The following THRB variants were observed in gnomAD, a reference collection of about 807,000 sequenced individuals.
THRB encodes thyroid hormone receptor beta, also known as nuclear receptor subfamily 1 group A member 2.
Under a neutral mutation model 47.8 loss-of-function variants are expected in THRB, and 12 were observed. That is an observed-to-expected ratio of 0.25 (90% CI 0.16 to 0.41). The LOEUF (loss-of-function observed/expected upper bound fraction) is 0.41. Among genes scored for constraint, THRB ranks in the 10% least tolerant of loss-of-function variants. THRB has a pLI of 1.00. For missense variants in THRB, 348 were observed against 589.2 expected (o/e 0.59, Z 4.24); for synonymous variants, 218 against 212.2 (o/e 1.03, Z -0.24).
At chr3:24,253,163 CATAAT>C (rs1446692401) in intron 3 of THRB, among the ~76,000 whole-genome samples, 3 of 151,914 alleles carry the variant, frequency 2.0e-5, no homozygotes, top group Non-Finnish European at 2.9e-5. Flanking sequence ...AATGCAATAA[CATAAT>C]AGAGGCATAA....
chr3:24,145,206 C>T (rs1350069949), intron 7 of THRB, among the ~76,000 whole-genome samples: 1 of 151,920 alleles, frequency 6.6e-6, no homozygotes, highest in African/African-American at 2.4e-5. Flanking sequence ...ATCTTGAAAA[C>T]AACTCTACAA....
intron 1 of THRB, among the ~76,000 whole-genome samples, chr3:24,405,265 A>G (rs2067728424): frequency 6.6e-6 from 1 of 151,964 alleles, no homozygotes; most frequent in Admixed American, 6.6e-5. Context: ...TTGGCACGCT[A>G]TATTCTGTGG....
intron 3 of THRB, among the ~76,000 whole-genome samples, chr3:24,289,390 A>AT: frequency 6.6e-6 from 1 of 152,346 alleles, no homozygotes; most frequent in South Asian, 2.1e-4. Context: ...ACATTCAGTC[A>AT]TTTTAACCTA....
intron 4 of THRB, among the ~76,000 whole-genome samples, chr3:24,203,049 T>C (rs1315915346): frequency 1.3e-5 from 2 of 152,220 alleles, no homozygotes; most frequent in African/African-American, 4.8e-5. Context: ...GGTTCATCTA[T>C]TTCCTTAGCA....
At chr3:24,479,062 GC>G (rs1000615966) in intron 1 of THRB, among the ~76,000 whole-genome samples, 17 of 152,176 alleles carry the variant, frequency 1.1e-4, no homozygotes, top group African/African-American at 3.4e-4. Flanking sequence ...ACTTTGGGAG[GC>G]CAAGGTGGGA....
At chr3:24,417,835 C>G (rs559137101) in intron 1 of THRB, among the ~76,000 whole-genome samples, 21 of 151,968 alleles carry the variant, frequency 1.4e-4, no homozygotes, top group African/African-American at 4.8e-4. Flanking sequence ...TAAGTTCTAT[C>G]CTTATCCAGA....
intron 1 of THRB, among the ~76,000 whole-genome samples, chr3:24,448,535 C>T (rs901989569): frequency 4.6e-5 from 7 of 152,178 alleles, no homozygotes; most frequent in African/African-American, 7.2e-5. Context: ...TTTGTTCCAT[C>T]GGCTAGAGAA....
intron 1 of THRB, among the ~76,000 whole-genome samples, chr3:24,465,258 G>C (rs2074041726): frequency 6.6e-6 from 1 of 152,060 alleles, no homozygotes; most frequent in Non-Finnish European, 1.5e-5. Context: ...ACATTCTGCT[G>C]GTATCTAGCG....
intron 2 of THRB, among the ~76,000 whole-genome samples, chr3:24,325,518 C>T (rs750971337): frequency 2.0e-5 from 3 of 152,162 alleles, no homozygotes; most frequent in Non-Finnish European, 2.9e-5. Context: ...AAAACCCCAT[C>T]CCTATTAAAA....
At chr3:24,330,347 C>G (rs1460466515) in intron 2 of THRB, among the ~76,000 whole-genome samples, 2 of 152,150 alleles carry the variant, frequency 1.3e-5, no homozygotes, top group African/African-American at 4.8e-5. Context: ...TTCAAGGGTT[C>G]AAATCACTTT....
chr3:24,463,569 A>G (rs993256537), intron 1 of THRB, among the ~76,000 whole-genome samples: 2 of 152,190 alleles, frequency 1.3e-5, no homozygotes, highest in Non-Finnish European at 1.5e-5. Context: ...ACATTTGATA[A>G]TAATCTTTCA....
At chr3:24,169,907 C>A (rs903444957) in intron 5 of THRB, among the ~76,000 whole-genome samples, 1 of 151,998 alleles carries the variant, frequency 6.6e-6, no homozygotes, top group Non-Finnish European at 1.5e-5. Context: ...GCAAGAGAGA[C>A]CTTATAGCCT....
At chr3:24,367,563 C>T (rs965592577) in intron 1 of THRB, among the ~76,000 whole-genome samples, 3 of 152,122 alleles carry the variant, frequency 2.0e-5, no homozygotes, top group Non-Finnish European at 4.4e-5. Context: ...CCTTCTATGC[C>T]ATCTAGAACT....
intron 1 of THRB, among the ~76,000 whole-genome samples, chr3:24,469,735 A>T (rs189571723): frequency 6.6e-5 from 10 of 152,366 alleles, no homozygotes; most frequent in Admixed American, 5.9e-4. Context: ...TTTAGAGAAA[A>T]GTGTTGAAGA....
intron 1 of THRB, among the ~76,000 whole-genome samples, chr3:24,354,337 A>G (rs372973816): frequency 1.1e-4 from 16 of 152,298 alleles, no homozygotes; most frequent in East Asian, 3.9e-4. Flanking sequence ...AAATTTACCT[A>G]TGTAACAAAT....
chr3:24,222,533 G>C (rs577639033), intron 4 of THRB, among the ~76,000 whole-genome samples: 1 of 152,116 alleles, frequency 6.6e-6, no homozygotes, highest in East Asian at 1.9e-4. Context: ...AGGGAGAAGA[G>C]GATGTGAGGT....
rs1173665760 is a variant in THRB at position 24,391,564 on chromosome 3, A to G, written c.-260-54193T>C. 2.0e-5 allele frequency among the ~76,000 whole-genome samples: 3 copies of G among 152,210 alleles called. No homozygotes were observed. In the East Asian group the frequency reaches 5.8e-4, roughly 29 times the overall value. ...TAAACAATGGTAAATGTTGCTAATA[A>G]TATTTCTGCCAGTACCAAGAAAGAC... is the stretch of plus-strand genomic sequence containing the variant. On this transcript the variant is annotated intron_variant, in intron 1 of 10. Transcript: ENST00000646209.
intron 1 of THRB, among the ~76,000 whole-genome samples, chr3:24,342,084 A>C (rs13085323): frequency 0.3 from 46,056 of 151,246 alleles, 8,910 homozygotes; most frequent in African/African-American, 0.54. Flanking sequence ...ATTTGTTACT[A>C]TCCCTGGTAA....
chr3:24,458,603 T>A, intron 1 of THRB: 1 of 152,174 alleles, frequency 6.6e-6, no homozygotes, highest in South Asian at 2.1e-4. Context: ...AAACATTTTA[T>A]AAATGGTAAA....
Sources: gnomAD v4.1 joint callset for allele counts (sites outside exome capture counted in the v4.1 genomes callset) on GRCh38, gnomAD v4.1.1 for gene constraint, MANE v1.5 for transcripts, NCBI Gene and HGNC (gene_info 2026-07-23, HGNC 2026-07-21) for gene names.